Variants in ADGRV1 observed in about 807,000 individuals in gnomAD.
The protein encoded by ADGRV1 is G-protein coupled receptor 98.
In ADGRV1, 359 loss-of-function variants were observed where a neutral mutation model predicts 596.2. The observed-to-expected ratio is 0.60, with a 90% CI of 0.55 to 0.66. The LOEUF (loss-of-function observed/expected upper bound fraction) is 0.66, where lower values mean the gene tolerates loss of function less well. Ranked by LOEUF, ADGRV1 falls within the 30% of genes least tolerant of loss-of-function variation. The pLI, the probability that ADGRV1 is intolerant of heterozygous loss-of-function variation, is 0.00. For synonymous variants in ADGRV1, 2,681 were observed against 2,679.2 expected, an observed-to-expected ratio of 1.00 and a Z score of -0.02; for missense variants, 7,274 against 7,575.6, an observed-to-expected ratio of 0.96 and a Z score of 1.48.
chr5:91,058,142 A>C (rs989701477), intron 85 of ADGRV1, among the ~76,000 whole-genome samples: 1 of 152,178 alleles, frequency 6.6e-6, no homozygotes, highest in East Asian at 1.9e-4. Context: ...TCATTATAGC[A>C]CTGACCAGGA....
chr5:90,751,217 G>A (rs557582935), intron 53 of ADGRV1, among the ~76,000 whole-genome samples: 1 of 152,280 alleles, frequency 6.6e-6, no homozygotes, highest in South Asian at 2.1e-4. Flanking sequence ...TGTGCAGAGG[G>A]AGAAGTTGAT....
intron 85 of ADGRV1, among the ~76,000 whole-genome samples, chr5:91,058,556 C>A (rs1227207964): frequency 6.6e-6 from 1 of 151,864 alleles, no homozygotes; most frequent in Non-Finnish European, 1.5e-5. Context: ...GTTTAAATCC[C>A]TAGAAAAGCC....
Position 90,728,778 on chromosome 5 carries a change from C to T in ADGRV1, c.10271C>T (p.Ser3424Phe), listed in dbSNP as rs759854348. 3.1e-6 allele frequency: 5 copies of T among 1,613,946 alleles called. No homozygotes were observed. The Admixed American group carries it at 5.0e-5, about 16-fold the overall frequency. ...GGAGGCTCTGTGTTCTTAGCCATTT[C>T]CCAGGCTAATGCCAGGCTAAACTCC... The part of the protein sequence containing the change: ...NKGGSVFLAI[S>F]QANARLNSLL... The change falls in exon 49 of 90, where the codon TCC (serine) becomes TTC (phenylalanine). Residue 3424 changes from serine (S) to phenylalanine (F), a missense_variant. Ser to Phe is a radical substitution (Grantham distance 155). Transcript: ENST00000405460.
chr5:91,000,662 C>T (rs967196079), intron 85 of ADGRV1, among the ~76,000 whole-genome samples: 2 of 127,006 alleles, frequency 1.6e-5, no homozygotes, highest in African/African-American at 6.4e-5. Context: ...ACAGAGCTTA[C>T]AGGATCTGTG....
rs762850616 is a variant in ADGRV1, at chr5:90,745,047, C to G, written c.10551C>G (p.Ala3517=). The change falls in exon 51 of 90, where the codon GCC becomes GCG. Residue 3517 remains alanine (A), a splice_region_variant and synonymous_variant. Transcript: ENST00000405460. ...IHSFTPASGI[A]HILLIGQDMS... is the part of the protein sequence containing the mutation. ...TTGTTTTTTCTTTCCTTCCTGCAGCCCACATACTTCTTATTGGCCAAGATA... is the reference window on the plus strand; with the variant it reads ...TTGTTTTTTCTTTCCTTCCTGCAGCGCACATACTTCTTATTGGCCAAGATA... The G allele has an allele frequency of 1.9e-6, 3 of 1,611,820 alleles. No homozygotes were observed. The South Asian group carries it at 3.3e-5, about 18-fold the overall frequency.
chr5:90,964,434 G>A (rs1012570458), intron 83 of ADGRV1, among the ~76,000 whole-genome samples: 1 of 152,034 alleles, frequency 6.6e-6, no homozygotes, highest in Admixed American at 6.6e-5. Flanking sequence ...ATAAGGGGGA[G>A]CCAGAGTTTA....
At position 90,625,311 on chromosome 5, in the gene ADGRV1, T is replaced by G. The variant is rs1039950034; in HGVS notation, c.672+68T>G. The G allele has an allele frequency of 9.1e-6, 9 of 987,338 alleles. No individual in the cohort carries two copies. In the Admixed American group the frequency reaches 1.4e-4, roughly 15 times the overall value. 61.2% of individuals were successfully genotyped at this position (987,338 alleles called of 1,614,324 possible). ...TTGCAGGACACAGTCCTGTATAAAC[T>G]TAGTGTATTGTGGCCAGTCGCACCT... On this transcript the variant is annotated intron_variant, in intron 6 of 89. Coordinates refer to ENST00000405460, the MANE Select transcript of ADGRV1 (RefSeq NM_032119.4).
At chr5:91,132,423 G>A (rs1194758690) in intron 87 of ADGRV1, among the ~76,000 whole-genome samples, 2 of 152,104 alleles carry the variant, frequency 1.3e-5, no homozygotes, top group Non-Finnish European at 2.9e-5. Context: ...TCATTCGAAG[G>A]TATTCATTAC....
chr5:90,572,735 A>T (rs1331409718), intron 1 of ADGRV1, among the ~76,000 whole-genome samples: 1 of 152,200 alleles, frequency 6.6e-6, no homozygotes, highest in Admixed American at 6.6e-5. Flanking sequence ...CAAAGGAAAA[A>T]AGTTGAGACC....
intron 85 of ADGRV1, among the ~76,000 whole-genome samples, chr5:91,035,861 T>TATA: frequency 4.1e-5 from 4 of 96,402 alleles, no homozygotes; most frequent in East Asian, 2.5e-4. Context: ...TATATATATA[T>TATA]TATATATATA....
intron 86 of ADGRV1, among the ~76,000 whole-genome samples, chr5:91,073,966 A>G (rs767231103): frequency 7.9e-5 from 12 of 152,192 alleles, no homozygotes; most frequent in Admixed American, 2.6e-4. Flanking sequence ...CCAAAGTGCT[A>G]GGATGACAGG....
intron 87 of ADGRV1, among the ~76,000 whole-genome samples, chr5:91,138,232 T>C (rs1254763221): frequency 6.7e-6 from 1 of 148,304 alleles, no homozygotes; most frequent in Non-Finnish European, 1.5e-5. Context: ...AATTAATGGG[T>C]TGGAGAAAAA....
chr5:90,836,695 C>G (rs186309818), intron 77 of ADGRV1, among the ~76,000 whole-genome samples: 43 of 152,252 alleles, frequency 2.8e-4, no homozygotes, highest in Admixed American at 1.6e-3. Flanking sequence ...TATTATATTA[C>G]AGTCATGCAA....
intron 1 of ADGRV1, among the ~76,000 whole-genome samples, chr5:90,565,424 T>A (rs1755518131): frequency 6.6e-6 from 1 of 152,232 alleles, no homozygotes; most frequent in South Asian, 2.1e-4. Flanking sequence ...TTTGTATAAA[T>A]GGAATCATAC....
intron 1 of ADGRV1, among the ~76,000 whole-genome samples, chr5:90,578,482 A>C (rs775951172): frequency 1.1e-4 from 17 of 152,196 alleles, no homozygotes; most frequent in Non-Finnish European, 2.1e-4. Flanking sequence ...GTGGTGGATA[A>C]GATTTTTGAT....
At chr5:90,633,088 G>A (rs1234385430) in intron 9 of ADGRV1, among the ~76,000 whole-genome samples, 1 of 152,096 alleles carries the variant, frequency 6.6e-6, no homozygotes, top group Non-Finnish European at 1.5e-5. Flanking sequence ...GCAGCTTTTG[G>A]CAAGCATGGG....
intron 1 of ADGRV1, among the ~76,000 whole-genome samples, chr5:90,590,342 C>G (rs905140191): frequency 6.6e-6 from 1 of 152,166 alleles, no homozygotes; most frequent in African/African-American, 2.4e-5. Flanking sequence ...TGTCATCTTA[C>G]TGCTTAATCA....
At chr5:91,011,536 A>G (rs887530637) in intron 85 of ADGRV1, among the ~76,000 whole-genome samples, 2 of 151,942 alleles carry the variant, frequency 1.3e-5, no homozygotes, top group African/African-American at 4.8e-5. Context: ...GAACATTATG[A>G]TGTTCAGAAT....
At chr5:90,991,787 G>A (rs1323501530) in intron 85 of ADGRV1, among the ~76,000 whole-genome samples, 1 of 152,094 alleles carries the variant, frequency 6.6e-6, no homozygotes. Context: ...TTCTAAATTA[G>A]AACTAAGTAG....
Sources: gnomAD v4.1 joint callset for allele counts (sites outside exome capture counted in the v4.1 genomes callset) on GRCh38, gnomAD v4.1.1 for gene constraint, MANE v1.5 for transcripts, NCBI Gene and HGNC (gene_info 2026-07-23, HGNC 2026-07-21) for gene names.